The following DKK3 variants were observed in gnomAD, a reference collection of about 807,000 sequenced individuals.
DKK3 encodes the protein dickkopf-related protein 3.
Under a neutral mutation model 33.2 loss-of-function variants are expected in DKK3, and 22 were observed. The observed-to-expected ratio is 0.66, with a 90% confidence interval of 0.47 to 0.95. DKK3 has a LOEUF of 0.95. Ranked by LOEUF, DKK3 falls within the 40% of genes least tolerant of loss-of-function variation. The probability of loss-of-function intolerance (pLI) is 0.00; values close to 1 mark genes in which losing one functional copy is unlikely to be tolerated. For missense variants in DKK3, 398 were observed against 458.4 expected (o/e 0.87, Z 1.20); for synonymous variants, 194 against 188.8 (o/e 1.03, Z -0.23).
chr11:11,969,440 T>C lies in DKK3; in HGVS notation c.436-953A>G, dbSNP rs1173906819. ...AGGCAGGTAGGGACTGCCTTCTCTA[T>C]ATTGCCAGCCGGGAAATGGAGGCAG... On this transcript the variant is annotated intron_variant, in intron 3 of 6. Transcript: ENST00000683431. Among the ~76,000 whole-genome samples, 3 of 152,156 alleles carry C rather than the reference T, an allele frequency of 2.0e-5. No individual in the cohort carries two copies. In the South Asian group the frequency reaches 6.2e-4, roughly 32 times the overall value.
At chr11:11,998,857 T>A (rs1271076137) in intron 2 of DKK3, 78 bp from the exon 3 acceptor site, 1 of 1,401,820 alleles carries the variant, frequency 7.1e-7, no homozygotes, top group Admixed American at 1.7e-5. Context: ...TGTGTTTTGT[T>A]TTCCATTTTC....
At chr11:11,987,708 A>G (rs908431230) in intron 3 of DKK3, among the ~76,000 whole-genome samples, 11 of 152,174 alleles carry the variant, frequency 7.2e-5, no homozygotes, top group Admixed American at 2.0e-4. Flanking sequence ...TAATTGTGTG[A>G]CTCAGTGATA....
At chr11:11,980,116 G>A (rs762633683) in intron 3 of DKK3, among the ~76,000 whole-genome samples, 3 of 152,124 alleles carry the variant, frequency 2.0e-5, no homozygotes, top group African/African-American at 4.8e-5. Context: ...AAGCTCCCTC[G>A]GCTCTAATTC....
At chr11:11,983,979 G>A (rs1446779394) in intron 3 of DKK3, among the ~76,000 whole-genome samples, 1 of 152,214 alleles carries the variant, frequency 6.6e-6, no homozygotes, top group East Asian at 1.9e-4. Flanking sequence ...TACAATGGTG[G>A]GGATGTCACT....
chr11:11,974,530 G>A (rs1406705807), intron 3 of DKK3, among the ~76,000 whole-genome samples: 1 of 152,160 alleles, frequency 6.6e-6, no homozygotes, highest in Non-Finnish European at 1.5e-5. Flanking sequence ...GAGAAAAGGG[G>A]ACCAAACTTG....
chr11:12,005,989 C>A (rs561495737), intron 1 of DKK3, among the ~76,000 whole-genome samples: 2 of 152,236 alleles, frequency 1.3e-5, no homozygotes, highest in South Asian at 4.2e-4. Context: ...TGTTATCATT[C>A]ATACTGCTAC....
intron 3 of DKK3, among the ~76,000 whole-genome samples, chr11:11,980,164 C>G (rs1847925641): frequency 6.6e-6 from 1 of 152,244 alleles, no homozygotes; most frequent in African/African-American, 2.4e-5. Context: ...CAAACTTGCC[C>G]CCCAGGACCC....
intron 4 of DKK3, 152 bp from the exon 5 acceptor site, chr11:11,967,250 G>A: frequency 3.9e-6 from 4 of 1,014,650 alleles, no homozygotes; most frequent in Non-Finnish European, 5.7e-6. Flanking sequence ...AAGTCAGTGG[G>A]ACAGAGGTGG....
At position 12,000,210 on chromosome 11, in the gene DKK3, TTGTTTGTC is replaced by T. The variant is rs1371959662; in HGVS notation, c.352-1439_352-1432del. Among the ~76,000 whole-genome samples the T allele has an allele frequency of 3.8e-5, 5 of 132,794 alleles. No individual in the cohort carries two copies. In the East Asian group the frequency reaches 1.2e-3, roughly 33 times the overall value. The allele number at this position is 132,794 out of a possible 152,430, so 87.1% of individuals were successfully genotyped here. On this transcript the variant is annotated intron_variant, in intron 2 of 6. Transcript: ENST00000683431. ...TTTGTTTGTTTGTTTGTTTGTTTGTTTGTTTGTCTTTTGACACAGAGTCTTGCTCTGTC... is the reference window on the plus strand; with the variant it reads ...TTTGTTTGTTTGTTTGTTTGTTTGTTTTTTGACACAGAGTCTTGCTCTGTC...
At chr11:11,998,622 G>T in intron 3 of DKK3, 74 bp downstream of exon 3, 1 of 1,352,700 alleles carries the variant, frequency 7.4e-7, no homozygotes, top group Non-Finnish European at 1.1e-6. Flanking sequence ...CTGCATCTGA[G>T]TCACCGTTGG....
At chr11:11,973,562 G>A (rs905814583) in intron 3 of DKK3, among the ~76,000 whole-genome samples, 2 of 152,204 alleles carry the variant, frequency 1.3e-5, no homozygotes, top group African/African-American at 4.8e-5. Flanking sequence ...CCTGCTGGGG[G>A]AATCTGACAA....
At chr11:11,985,891 T>G (rs73417340) in intron 3 of DKK3, among the ~76,000 whole-genome samples, 1 of 152,358 alleles carries the variant, frequency 6.6e-6, no homozygotes, top group African/African-American at 2.4e-5. Context: ...AGGCAAGCAC[T>G]GAGTATGACT....
At position 11,965,950 on chromosome 11, in the gene DKK3, A is replaced by C; in HGVS notation, c.689T>G (p.Val230Gly). 1 of 1,612,868 alleles carries C rather than the reference A, an allele frequency of 6.2e-7. No homozygotes were observed. ...CAFQRGLLFP[V>G]CTPLPVEGEL... ...GCCCTCCACGGGCAGGGGTGTGCAC[A>C]CAGGGAACAGCAGGCCTGGAACCAG... The change falls in exon 6 of 7, where the codon GTG becomes GGG. Residue 230 changes from valine (V) to glycine (G), a missense_variant. Physicochemically the swap from Val to Gly is moderately radical, Grantham distance 109. Transcript: ENST00000683431.
chr11:11,988,763 G>A (rs75602745), intron 3 of DKK3, among the ~76,000 whole-genome samples: 1 of 152,156 alleles, frequency 6.6e-6, no homozygotes, highest in South Asian at 2.1e-4. Flanking sequence ...CACATCTCTG[G>A]ATCCCCACAA....
intron 3 of DKK3, among the ~76,000 whole-genome samples, chr11:11,987,377 T>A (rs996496246): frequency 2.6e-5 from 4 of 152,210 alleles, no homozygotes; most frequent in African/African-American, 9.6e-5. Flanking sequence ...GGAAATAAGT[T>A]TCCAGATCTG....
chr11:11,978,220 G>A (rs917085775), intron 3 of DKK3, among the ~76,000 whole-genome samples: 1 of 152,142 alleles, frequency 6.6e-6, no homozygotes, highest in Non-Finnish European at 1.5e-5. Flanking sequence ...AGAAAGAGAG[G>A]TGGCCTCAAA....
At chr11:11,998,554 G>T in intron 3 of DKK3, 142 bp downstream of exon 3, 1 of 753,240 alleles carries the variant, frequency 1.3e-6, no homozygotes, top group Non-Finnish European at 2.4e-6. Context: ...AGAAATGTAG[G>T]AATTGAGGAA....
chr11:11,987,653 C>T (rs1848099094), intron 3 of DKK3, among the ~76,000 whole-genome samples: 1 of 152,224 alleles, frequency 6.6e-6, no homozygotes, highest in Admixed American at 6.5e-5. Context: ...TGTGTTCCTT[C>T]CTGGTTCAGA....
intron 3 of DKK3, among the ~76,000 whole-genome samples, chr11:11,981,799 T>G (rs890930803): frequency 6.6e-6 from 1 of 152,194 alleles, no homozygotes; most frequent in Non-Finnish European, 1.5e-5. Flanking sequence ...TTTCCATCTC[T>G]ACTTTGACCC....
Sources: gnomAD v4.1 joint callset for allele counts (sites outside exome capture counted in the v4.1 genomes callset) on GRCh38, gnomAD v4.1.1 for gene constraint, MANE v1.5 for transcripts, NCBI Gene and HGNC (gene_info 2026-07-23, HGNC 2026-07-21) for gene names.